SGPL1: variants seen among roughly 807,000 people sequenced by gnomAD.
SGPL1 encodes SP-lyase 1.
A neutral mutation model predicts 68.9 loss-of-function variants in SGPL1; 37 were observed. That is an observed-to-expected ratio of 0.54 (90% confidence interval 0.41 to 0.71). The LOEUF (loss-of-function observed/expected upper bound fraction) is 0.71. Ranked by LOEUF, SGPL1 falls within the 30% of genes least tolerant of loss-of-function variation. The pLI, the probability that SGPL1 is intolerant of heterozygous loss-of-function variation, is 0.00. For synonymous variants in SGPL1, 236 were observed against 248.5 expected (o/e 0.95, Z 0.47); for missense variants, 551 against 704.6 (o/e 0.78, Z 2.47).
rs536221380 is a variant in SGPL1, at chr10:70,838,518, C to T, written c.28-5955C>T. Among the ~76,000 whole-genome samples, 6 of 152,298 alleles carry T rather than the reference C, an allele frequency of 3.9e-5. No homozygotes were observed. The South Asian group carries it at 1.0e-3, about 26-fold the overall frequency. ...ATATCCTGGGCTTATTACTTCAGCT[C>T]ATATTCCTGACCTCACAAAAATGTT... is the stretch of plus-strand genomic sequence containing the variant. On this transcript the variant is annotated intron_variant, in intron 2 of 14. Transcript: ENST00000373202.
intron 3 of SGPL1, among the ~76,000 whole-genome samples, chr10:70,847,971 C>T (rs752761266): frequency 5.3e-5 from 8 of 152,174 alleles, no homozygotes; most frequent in African/African-American, 9.7e-5. Context: ...AAGTGGGCAG[C>T]GGCATGAACT....
At chr10:70,840,159 C>T (rs1288840246) in intron 2 of SGPL1, among the ~76,000 whole-genome samples, 1 of 152,022 alleles carries the variant, frequency 6.6e-6, no homozygotes, top group Non-Finnish European at 1.5e-5. Context: ...TGTGTTACTC[C>T]TCTGCCCATG....
At chr10:70,835,735 C>CAAAAAAA (rs66962270) in intron 2 of SGPL1, among the ~76,000 whole-genome samples, 2 of 70,154 alleles carry the variant, frequency 2.9e-5, no homozygotes, top group Admixed American at 1.6e-4. Flanking sequence ...GACTCCGTCT[C>CAAAAAAA]AAAAAAAAAA....
chr10:70,860,291 T>C, intron 7 of SGPL1: 1 of 443,928 alleles, frequency 2.3e-6, no homozygotes, highest in South Asian at 1.7e-5. Context: ...GCTAATCCTA[T>C]CAGATACTCA....
chr10:70,859,613 A>G, intron 7 of SGPL1, 114 bp downstream of exon 7: 1 of 444,402 alleles, frequency 2.3e-6, no homozygotes, highest in Non-Finnish European at 3.2e-6. Flanking sequence ...ATATTTTACT[A>G]CACAAGAAAT....
chr10:70,855,437 C>T (rs904005062), intron 5 of SGPL1, among the ~76,000 whole-genome samples: 1 of 152,212 alleles, frequency 6.6e-6, no homozygotes, highest in South Asian at 2.1e-4. Flanking sequence ...AACCCTGGAA[C>T]CAGCCTGGAT....
At chr10:70,873,237 T>C (rs1304706266) in intron 11 of SGPL1, 114 bp from the exon 12 acceptor site, 2 of 825,214 alleles carry the variant, frequency 2.4e-6, no homozygotes, top group East Asian at 2.4e-5. Flanking sequence ...GTGGGAAACA[T>C]AACAGAGAAA....
At chr10:70,846,672 G>T (rs193062465) in intron 3 of SGPL1, among the ~76,000 whole-genome samples, 1 of 152,062 alleles carries the variant, frequency 6.6e-6, no homozygotes, top group Admixed American at 6.5e-5. Flanking sequence ...TTCAAAGGTG[G>T]TACATTTATG....
At chr10:70,871,716 C>T (rs1302249860) in intron 10 of SGPL1, 121 bp from the exon 11 acceptor site, 4 of 842,812 alleles carry the variant, frequency 4.7e-6, no homozygotes, top group Non-Finnish European at 7.3e-6. Flanking sequence ...TTTTTAAAAA[C>T]ATGGGAGGCA....
intron 9 of SGPL1, 40 bp from the exon 10 acceptor site, chr10:70,871,008 G>A (rs754339465): frequency 1.3e-6 from 2 of 1,548,060 alleles, no homozygotes; most frequent in South Asian, 1.1e-5. Context: ...GAGTAATTGT[G>A]ACATAGATTC....
At position 70,877,523 on chromosome 10, in the gene SGPL1, A is replaced by C; in HGVS notation, c.*188A>C. ...TCTTCCTTTTGTGGTTTTTAATTTG[A>C]AGACCCCAGAGAATTCCATTACATA... On this transcript the variant is annotated 3_prime_UTR_variant, in exon 15 of 15. Coordinates refer to ENST00000373202, the MANE Select transcript of SGPL1 (RefSeq NM_003901.4). 1.8e-6 allele frequency: 1 copy of C among 541,846 alleles called. No individual in the cohort carries two copies. The highest frequency in any genetic ancestry group is 3.1e-5 in the South Asian group (1 of 31,890). The allele number at this position is 541,846 out of a possible 1,614,324, so 33.6% of individuals were successfully genotyped here.
At chr10:70,837,129 G>A (rs1186741031) in intron 2 of SGPL1, among the ~76,000 whole-genome samples, 1 of 151,372 alleles carries the variant, frequency 6.6e-6, no homozygotes, top group Non-Finnish European at 1.5e-5. Flanking sequence ...CCAGGCTGGA[G>A]TACAGTGGTA....
chr10:70,821,393 C>T (rs1011555554), intron 2 of SGPL1, among the ~76,000 whole-genome samples: 3 of 152,128 alleles, frequency 2.0e-5, no homozygotes, highest in Non-Finnish European at 4.4e-5. Flanking sequence ...CCTTAGGTGG[C>T]TTTTTTCTTT....
At chr10:70,819,627 CTT>C (rs35734922) in intron 2 of SGPL1, among the ~76,000 whole-genome samples, 9 of 120,874 alleles carry the variant, frequency 7.4e-5, no homozygotes, top group Admixed American at 1.7e-4. Flanking sequence ...TGGGATGCAG[CTT>C]TTTTTTTTTT....
chr10:70,816,685 C>T, intron 1 of SGPL1, 126 bp from the exon 2 acceptor site: 2 of 738,194 alleles, frequency 2.7e-6, no homozygotes, highest in Non-Finnish European at 5.0e-6. Flanking sequence ...ACTGTGATAT[C>T]TGGGAATGAA....
intron 7 of SGPL1, among the ~76,000 whole-genome samples, chr10:70,865,960 T>A (rs1354571265): frequency 6.6e-6 from 1 of 152,234 alleles, no homozygotes; most frequent in Non-Finnish European, 1.5e-5. Flanking sequence ...TTGAATGACA[T>A]AACAAATAGT....
intron 7 of SGPL1, among the ~76,000 whole-genome samples, chr10:70,863,494 T>C (rs1846121469): frequency 6.6e-6 from 1 of 152,094 alleles, no homozygotes; most frequent in South Asian, 2.1e-4. Flanking sequence ...ATTTTATTTA[T>C]TTATTTTTTT....
chr10:70,857,298 A>G, intron 5 of SGPL1: 1 of 332,294 alleles, frequency 3.0e-6, no homozygotes, highest in Admixed American at 4.5e-5. Context: ...AAAAATAAGT[A>G]TAGACAAAGG....
chr10:70,872,033 A>G (rs369078001), intron 11 of SGPL1, 47 bp downstream of exon 11: 10 of 1,561,672 alleles, frequency 6.4e-6, no homozygotes, highest in Non-Finnish European at 8.7e-6. Flanking sequence ...TATTTTGACT[A>G]TTATTGATAA....
Sources: allele counts gnomAD v4.1 joint callset (sites outside exome capture counted in the v4.1 genomes callset), GRCh38; gene constraint gnomAD v4.1.1; transcripts MANE v1.5; gene names NCBI Gene and HGNC (gene_info 2026-07-23, HGNC 2026-07-21).